The following CNTN4 variants were observed in gnomAD, a reference collection of about 807,000 sequenced individuals.
CNTN4 encodes contactin 4.
A neutral mutation model predicts 122.5 loss-of-function variants in CNTN4; 77 were observed. That is an observed-to-expected ratio of 0.63 (90% CI 0.52 to 0.76). The LOEUF (loss-of-function observed/expected upper bound fraction) is 0.76. CNTN4 is among the 30% of genes least tolerant of loss of function. CNTN4 has a pLI of 0.00. For missense variants in CNTN4, 1,256 were observed against 1,259.1 expected, an observed-to-expected ratio of 1.00 and a Z score of 0.04; for synonymous variants, 512 against 447.0, an observed-to-expected ratio of 1.15 and a Z score of -1.83.
intron 8 of CNTN4, among the ~76,000 whole-genome samples, chr3:2,880,273 CT>C (rs1459619977): frequency 1.3e-5 from 2 of 152,170 alleles, no homozygotes; most frequent in African/African-American, 4.8e-5. Context: ...GTATTCTAAC[CT>C]TATTGTCTCA....
Position 2,257,076 on chromosome 3 carries a change from G to C in CNTN4, c.-144-82102G>C, listed in dbSNP as rs146543165. ...ACAGTAACCAAAAAAGCATGGTATT[G>C]GTACCAGAACAGATACATAGACCAA... On this transcript the variant is annotated intron_variant, in intron 2 of 24. Coordinates refer to ENST00000418658, the MANE Select transcript of CNTN4 (RefSeq NM_175607.3). Among the ~76,000 whole-genome samples, 402 of 152,242 alleles carry C rather than the reference G, an allele frequency of 2.6e-3. 2 individuals carry two copies. Among genetic ancestry groups the C allele is most frequent in the East Asian group, 0.021 (109 of 5,174 alleles).
chr3:2,811,309 G>T (rs2092602175), intron 6 of CNTN4, among the ~76,000 whole-genome samples: 1 of 150,652 alleles, frequency 6.6e-6, no homozygotes, highest in Non-Finnish European at 1.5e-5. Flanking sequence ...TCTGGAGGCT[G>T]AGGCAGGAGA....
chr3:2,851,065 A>G (rs973671369), intron 7 of CNTN4, among the ~76,000 whole-genome samples: 9 of 152,214 alleles, frequency 5.9e-5, no homozygotes, highest in Non-Finnish European at 5.9e-5. Flanking sequence ...GGTGGGTACA[A>G]TGTATTTGTT....
chr3:2,779,139 G>T (rs111911147), intron 6 of CNTN4, among the ~76,000 whole-genome samples: 138 of 152,272 alleles, frequency 9.1e-4, no homozygotes, highest in African/African-American at 2.9e-3. Context: ...TATCTGGTGG[G>T]GGGAGGGTAG....
At chr3:2,816,849 A>C (rs1207265769) in intron 6 of CNTN4, among the ~76,000 whole-genome samples, 7 of 146,964 alleles carry the variant, frequency 4.8e-5, no homozygotes, top group Non-Finnish European at 7.5e-5. Context: ...AAAAGAACTT[A>C]CCCATGTAAC....
chr3:2,993,189 C>T (rs1695206458), intron 14 of CNTN4, among the ~76,000 whole-genome samples: 1 of 152,040 alleles, frequency 6.6e-6, no homozygotes, highest in Non-Finnish European at 1.5e-5. Flanking sequence ...CTTTTAGTGT[C>T]CATAAATAAA....
intron 10 of CNTN4, among the ~76,000 whole-genome samples, chr3:2,893,955 T>C (rs776619220): frequency 3.3e-5 from 5 of 152,196 alleles, no homozygotes; most frequent in Non-Finnish European, 7.3e-5. Context: ...TACCCATATA[T>C]GCCATATAAT....
intron 3 of CNTN4, among the ~76,000 whole-genome samples, chr3:2,527,907 AGAG>A (rs1453400309): frequency 5.9e-4 from 90 of 152,198 alleles, no homozygotes; most frequent in Non-Finnish European, 1.2e-3. Flanking sequence ...TTCTAAAGCA[AGAG>A]TTCTGCTTTC....
intron 13 of CNTN4, among the ~76,000 whole-genome samples, chr3:2,970,065 G>A (rs1443197437): frequency 6.6e-6 from 1 of 152,054 alleles, no homozygotes; most frequent in Non-Finnish European, 1.5e-5. Context: ...ACTATCAATA[G>A]CATACTGTTT....
chr3:2,390,356 T>A (rs114904559), intron 3 of CNTN4, among the ~76,000 whole-genome samples: 338 of 152,114 alleles, frequency 2.2e-3, no homozygotes, highest in African/African-American at 7.8e-3. Context: ...CAACTTTCTG[T>A]AAGTCTGAAA....
At chr3:2,760,964 A>G (rs1287969873) in intron 6 of CNTN4, among the ~76,000 whole-genome samples, 1 of 152,212 alleles carries the variant, frequency 6.6e-6, no homozygotes, top group Non-Finnish European at 1.5e-5. Context: ...TCCATAGAGA[A>G]GAAATATTTT....
chr3:2,529,216 G>A (rs1473316481), intron 3 of CNTN4, among the ~76,000 whole-genome samples: 1 of 152,064 alleles, frequency 6.6e-6, no homozygotes, highest in East Asian at 1.9e-4. Context: ...TTATCATTCT[G>A]TGCCTGGCTT....
chr3:2,900,570 C>T lies in CNTN4; in HGVS notation c.941-115C>T, dbSNP rs115075167. On this transcript the variant is annotated intron_variant, in intron 10 of 24. Coordinates refer to ENST00000418658, the MANE Select transcript of CNTN4 (RefSeq NM_175607.3). ...CTCCCCAGTCTTGTTATTTGCATAA[C>T]ATCTGGAAAAGGAATTTTATTATAA... The T allele has an allele frequency of 1.2e-3, 1,366 of 1,177,512 alleles. 10 individuals carry two copies. In the African/African-American group the frequency reaches 0.018, roughly 16 times the overall value. 72.9% of individuals were successfully genotyped at this position (1,177,512 alleles called of 1,614,324 possible). A position where few individuals can be genotyped will look rare whatever the true frequency, so the allele number is the denominator to read the frequency against.
At chr3:2,235,051 CA>C (rs1272606340) in intron 2 of CNTN4, among the ~76,000 whole-genome samples, 1 of 152,162 alleles carries the variant, frequency 6.6e-6, no homozygotes, top group Admixed American at 6.5e-5. Flanking sequence ...GTATAGATAA[CA>C]TCTGCTGTCT....
At chr3:2,600,286 G>C (rs1486991810) in intron 4 of CNTN4, among the ~76,000 whole-genome samples, 1 of 151,808 alleles carries the variant, frequency 6.6e-6, no homozygotes, top group South Asian at 2.1e-4. Flanking sequence ...CACACGCCAT[G>C]TTGTGTGCTG....
chr3:2,612,604 G>T (rs1295716707), intron 4 of CNTN4, among the ~76,000 whole-genome samples: 1 of 152,138 alleles, frequency 6.6e-6, no homozygotes, highest in Non-Finnish European at 1.5e-5. Context: ...CAGTGAGGAA[G>T]ATACTGCTTT....
chr3:2,454,682 C>T (rs2048933588), intron 3 of CNTN4, among the ~76,000 whole-genome samples: 1 of 101,024 alleles, frequency 9.9e-6, no homozygotes, highest in Non-Finnish European at 2.1e-5. Context: ...GAATTCAAGT[C>T]TAGGTTGTTT....
chr3:2,668,435 T>C (rs1330150037), intron 4 of CNTN4, among the ~76,000 whole-genome samples: 8 of 152,210 alleles, frequency 5.3e-5, no homozygotes, highest in Non-Finnish European at 1.0e-4. Flanking sequence ...TTTTTGCACA[T>C]TGATTTTGTA....
At chr3:2,522,110 C>T (rs981937041) in intron 3 of CNTN4, among the ~76,000 whole-genome samples, 8 of 151,126 alleles carry the variant, frequency 5.3e-5, no homozygotes, top group Non-Finnish European at 1.0e-4. Flanking sequence ...CCTCTACTGA[C>T]ATCATTAGAT....
Sources: allele counts gnomAD v4.1 joint callset (sites outside exome capture counted in the v4.1 genomes callset), GRCh38; gene constraint gnomAD v4.1.1; transcripts MANE v1.5; gene names NCBI Gene and HGNC (gene_info 2026-07-23, HGNC 2026-07-21).